The following C1QL3 variants were observed in gnomAD, a reference collection of about 807,000 sequenced individuals.
The protein encoded by C1QL3 is complement C1q like 3.
In C1QL3, 4 loss-of-function variants were observed where a neutral mutation model predicts 16.6. That is an observed-to-expected ratio of 0.24 (90% CI 0.12 to 0.55). The LOEUF is 0.55. Ranked by LOEUF, C1QL3 falls within the 20% of genes least tolerant of loss-of-function variation. The pLI is 0.94. For synonymous variants in C1QL3, 189 were observed against 160.2 expected, an observed-to-expected ratio of 1.18 and a Z score of -1.36; for missense variants, 269 against 365.6, an observed-to-expected ratio of 0.74 and a Z score of 2.16.
In C1QL3 at chr10:16,514,403, A is replaced by G; in HGVS notation, c.*125T>C. 3 of 720,488 alleles carry G rather than the reference A, an allele frequency of 4.2e-6. No individual in the cohort carries two copies. Among genetic ancestry groups the G allele is most frequent in the Non-Finnish European group, 7.1e-6 (3 of 422,450 alleles). The allele number at this position is 720,488 out of a possible 1,614,324, so 44.6% of individuals were successfully genotyped here. A position where few individuals can be genotyped will look rare whatever the true frequency, so the allele number is the denominator to read the frequency against. On this transcript the variant is annotated 3_prime_UTR_variant, in exon 2 of 2. Coordinates refer to ENST00000298943, the MANE Select transcript of C1QL3 (RefSeq NM_001010908.2). ...ACAGATGTGAGTCAGGTAGCATTTG[A>G]TTTCCCCACATATACACAACTGAGG... is the stretch of plus-strand genomic sequence containing the variant.
chr10:16,514,397 C>T lies in C1QL3; in HGVS notation c.*131G>A, dbSNP rs1836915891. On this transcript the variant is annotated 3_prime_UTR_variant, in exon 2 of 2. Transcript: ENST00000298943. ...AGTGATACAGATGTGAGTCAGGTAGCATTTGATTTCCCCACATATACACAA... is the reference window on the plus strand; with the variant it reads ...AGTGATACAGATGTGAGTCAGGTAGTATTTGATTTCCCCACATATACACAA... 11 of 683,768 alleles carry T rather than the reference C, an allele frequency of 1.6e-5. No individual in the cohort carries two copies. Among genetic ancestry groups the T allele is most frequent in the Non-Finnish European group, 2.5e-5 (10 of 392,424 alleles). The allele number at this position is 683,768 out of a possible 1,614,324, so 42.4% of individuals were successfully genotyped here. A position where few individuals can be genotyped will look rare whatever the true frequency, so the allele number is the denominator to read the frequency against.
chr10:16,520,808 G>T lies in C1QL3; in HGVS notation c.258C>A (p.Pro86=). Residue 86 remains proline, a synonymous_variant, in exon 1 of 2, where the codon CCC becomes CCA. Transcript: ENST00000298943. This position sits in a 1 kb window ranked among gnomAD's most constrained non-coding sequence, Gnocchi z 8.3. ...GPPGEPGPPG[P]MGPPGEKGEP... ...CGCCCTTCTCGCCCGGGGGCCCCATGGGGCCGGGTGGCCCGGGCTCTCCGG... is the reference window on the plus strand; with the variant it reads ...CGCCCTTCTCGCCCGGGGGCCCCATTGGGCCGGGTGGCCCGGGCTCTCCGG... The T allele has an allele frequency of 7.6e-7, 1 of 1,313,328 alleles. No individual in the cohort carries two copies. The highest frequency in any genetic ancestry group is 9.7e-7 in the Non-Finnish European group (1 of 1,031,858). The allele number at this position is 1,313,328 out of a possible 1,614,324, so 81.4% of individuals were successfully genotyped here. A position where few individuals can be genotyped will look rare whatever the true frequency, so the allele number is the denominator to read the frequency against.
intron 1 of C1QL3, among the ~76,000 whole-genome samples, chr10:16,517,116 C>A (rs1265365097): frequency 2.0e-5 from 3 of 152,168 alleles, no homozygotes; most frequent in African/African-American, 7.2e-5. Flanking sequence ...TTTCCAGATT[C>A]CTAAATGTAC....
rs984772153 is a variant in C1QL3, at chr10:16,521,327, G to T, written c.-262C>A. The T allele has an allele frequency of 2.6e-6, 1 of 389,218 alleles. No individual in the cohort carries two copies. Among genetic ancestry groups the T allele is most frequent in the Non-Finnish European group, 4.6e-6 (1 of 219,280 alleles). 24.1% of individuals were successfully genotyped at this position (389,218 alleles called of 1,614,324 possible). On this transcript the variant is annotated 5_prime_UTR_variant, in exon 1 of 2. Coordinates refer to ENST00000298943, the MANE Select transcript of C1QL3 (RefSeq NM_001010908.2). ...GCCCAGTGACTTGAGCCGAAGTCCC[G>T]AGCCCGGGGTGGGGGCCGGGGGAGG...
chr10:16,520,675 C>T lies in C1QL3; in HGVS notation c.391G>A (p.Ala131Thr). Residue 131 changes from alanine to threonine, a missense_variant, in exon 1 of 2, where the codon GCC becomes ACC. This residue lies in a region of C1QL3 where 246 missense variants were observed against 297.2 expected (regional missense o/e 0.83). Transcript: ENST00000298943. This position sits in a 1 kb window ranked among gnomAD's most constrained non-coding sequence, Gnocchi z 8.3. ...YSTVPKIAFY[A>T]GLKRQHEGYE... The stretch of plus-strand genomic sequence containing the variant: ...CCTTCATGCTGCCGCTTGAGGCCGG[C>T]GTAGAAGGCGATCTTGGGCACCGTG... 4 of 1,608,446 alleles carry T rather than the reference C, an allele frequency of 2.5e-6. No homozygotes were observed. Among genetic ancestry groups the T allele is most frequent in the Non-Finnish European group, 3.4e-6 (4 of 1,177,530 alleles).
Position 16,520,014 on chromosome 10 carries a change from C to T in C1QL3, c.588+464G>A, listed in dbSNP as rs1291494279. Among the ~76,000 whole-genome samples, 1 of 152,146 alleles carries T rather than the reference C, an allele frequency of 6.6e-6. No homozygotes were observed. The highest frequency in any genetic ancestry group is 1.5e-5 in the Non-Finnish European group (1 of 68,006). On this transcript the variant is annotated intron_variant, in intron 1 of 1. Transcript: ENST00000298943. This position sits in a 1 kb window ranked among gnomAD's most constrained non-coding sequence, Gnocchi z 8.3. ...TCATTCCTTCGGGGCCCTTGTTTCT[C>T]CCTCCGGCCTTTGTCTACCACCCCC...
At position 16,513,752 on chromosome 10, in the gene C1QL3, T is replaced by C. The variant is rs1836901215; in HGVS notation, c.*776A>G. ...CTCTGACTTTCCCAGTGAATCTAAA[T>C]GTATTCAGTTGACAAAATGGACACA... On this transcript the variant is annotated 3_prime_UTR_variant, in exon 2 of 2. Coordinates refer to ENST00000298943, the MANE Select transcript of C1QL3 (RefSeq NM_001010908.2). 6.6e-6 allele frequency: 1 copy of C among 152,588 alleles called. No individual in the cohort carries two copies. The highest frequency in any genetic ancestry group is 2.1e-4 in the South Asian group (1 of 4,836). The allele number at this position is 152,588 out of a possible 1,614,324, so 9.5% of individuals were successfully genotyped here.
In C1QL3 at chr10:16,521,042, G is replaced by A; in HGVS notation, c.24C>T (p.Leu8=). The A allele has an allele frequency of 6.2e-7, 1 of 1,600,790 alleles. No individual in the cohort carries two copies. Among genetic ancestry groups the A allele is most frequent in the Non-Finnish European group, 8.5e-7 (1 of 1,178,596 alleles). The stretch of plus-strand genomic sequence containing the variant: ...CGGCCGAGCTCACCAGCACCGGGAT[G>A]AGGATCACCAGCAGCAGCACCATCA... MVLLLVI[L]IPVLVSSAGT... The change falls in exon 1 of 2, where the codon CTC becomes CTT. Residue 8 remains leucine, a synonymous_variant. Coordinates refer to ENST00000298943, the MANE Select transcript of C1QL3 (RefSeq NM_001010908.2).
chr10:16,515,666 A>C (rs1376503729), intron 1 of C1QL3, among the ~76,000 whole-genome samples: 3 of 152,186 alleles, frequency 2.0e-5, no homozygotes, highest in African/African-American at 7.2e-5. Context: ...CATTGTGGAC[A>C]TTCTGTCAGA....
chr10:16,519,293 G>A (rs1380192644), intron 1 of C1QL3, among the ~76,000 whole-genome samples: 2 of 151,644 alleles, frequency 1.3e-5, no homozygotes, highest in Non-Finnish European at 2.9e-5. Flanking sequence ...AAGCCCAATA[G>A]ACCTCGTTAA....
chr10:16,520,386 G>C lies in C1QL3; in HGVS notation c.588+92C>G. 2.0e-6 allele frequency: 2 copies of C among 997,452 alleles called. No individual in the cohort carries two copies. Among genetic ancestry groups the C allele is most frequent in the East Asian group, 6.0e-5 (2 of 33,512 alleles). The allele number at this position is 997,452 out of a possible 1,614,324, so 61.8% of individuals were successfully genotyped here. On this transcript the variant is annotated intron_variant, in intron 1 of 1. Transcript: ENST00000298943. The surrounding 1 kb of genome is among the most constrained non-coding windows in gnomAD (Gnocchi z 8.3). ...CCCGGCCGCCGCGCCCTTCCTCCGC[G>C]GGCTCCCACCCCCATTTCCGGGGTC... is the stretch of plus-strand genomic sequence containing the variant.
At chr10:16,518,272 TGTA>T (rs923911479) in intron 1 of C1QL3, among the ~76,000 whole-genome samples, 3 of 152,216 alleles carry the variant, frequency 2.0e-5, no homozygotes, top group Non-Finnish European at 4.4e-5. Context: ...ATTCCTTAAC[TGTA>T]GTAGTGTAGT....
At chr10:16,518,765 G>A (rs1199171086) in intron 1 of C1QL3, among the ~76,000 whole-genome samples, 2 of 151,928 alleles carry the variant, frequency 1.3e-5, no homozygotes, top group Non-Finnish European at 2.9e-5. Flanking sequence ...TCTTCAGCCC[G>A]ATTGTATTTT....
In C1QL3 at chr10:16,514,359, CATA is replaced by C; in HGVS notation, c.*166_*168del. On this transcript the variant is annotated 3_prime_UTR_variant, in exon 2 of 2. Transcript: ENST00000298943. Reference sequence around the variant, plus strand: ...GCTTATCTTGCTTTGATATTTTTTACATAATGTTTCTGAGTGATACAGATGTGA... The same window carrying C: ...GCTTATCTTGCTTTGATATTTTTTACATGTTTCTGAGTGATACAGATGTGA... 1 of 597,604 alleles carries C rather than the reference CATA, an allele frequency of 1.7e-6. No homozygotes were observed. The highest frequency in any genetic ancestry group is 3.0e-6 in the Non-Finnish European group (1 of 338,810). 37.0% of individuals were successfully genotyped at this position (597,604 alleles called of 1,614,324 possible). A position where few individuals can be genotyped will look rare whatever the true frequency, so the allele number is the denominator to read the frequency against.
At position 16,514,373 on chromosome 10, in the gene C1QL3, G is replaced by A. The variant is rs1381708123; in HGVS notation, c.*155C>T. On this transcript the variant is annotated 3_prime_UTR_variant, in exon 2 of 2. Coordinates refer to ENST00000298943, the MANE Select transcript of C1QL3 (RefSeq NM_001010908.2). ...GATATTTTTTACATAATGTTTCTGA[G>A]TGATACAGATGTGAGTCAGGTAGCA... 3 of 622,108 alleles carry A rather than the reference G, an allele frequency of 4.8e-6. No individual in the cohort carries two copies. The East Asian group carries it at 8.1e-5, about 17-fold the overall frequency. 38.5% of individuals were successfully genotyped at this position (622,108 alleles called of 1,614,324 possible).
chr10:16,517,382 C>T (rs7913889), intron 1 of C1QL3, among the ~76,000 whole-genome samples: 30,704 of 152,124 alleles, frequency 0.2, 3,326 homozygotes, highest in Middle Eastern at 0.28. Flanking sequence ...GGTGCCATAA[C>T]TAATAAATTT....
rs1837030864 is a variant in C1QL3 at position 16,520,885 on chromosome 10, C to G, written c.181G>C (p.Gly61Arg). ...GGCCTGCCGGCCTCGCCTTTGGGGCCCTGGATGAAGGTGGGCAGGGACTGC... is the reference window on the plus strand; with the variant it reads ...GGCCTGCCGGCCTCGCCTTTGGGGCGCTGGATGAAGGTGGGCAGGGACTGC... Reference protein sequence around the residue: ...LMQSLPTFIQGPKGEAGRPGK... With the variant: ...LMQSLPTFIQRPKGEAGRPGK... The change falls in exon 1 of 2, where the codon GGC (glycine) becomes CGC (arginine). Residue 61 changes from glycine (G) to arginine (R), a missense_variant. By Grantham distance (125) the Gly-to-Arg change is moderately radical (BLOSUM62 -2). Coordinates refer to ENST00000298943, the MANE Select transcript of C1QL3 (RefSeq NM_001010908.2). The surrounding 1 kb of genome is among the most constrained non-coding windows in gnomAD (Gnocchi z 8.3). 4.6e-6 allele frequency: 7 copies of G among 1,515,944 alleles called. No individual in the cohort carries two copies. The East Asian group carries it at 1.9e-4, about 40-fold the overall frequency. The allele number at this position is 1,515,944 out of a possible 1,614,324, so 93.9% of individuals were successfully genotyped here.
intron 1 of C1QL3, among the ~76,000 whole-genome samples, chr10:16,519,429 C>CAGGCTGCA (rs1837004208): frequency 6.6e-6 from 1 of 151,938 alleles, no homozygotes; most frequent in African/African-American, 2.4e-5. Context: ...CTGCAGGCTG[C>CAGGCTGCA]AAGGCCTCGC....
At position 16,521,166 on chromosome 10, in the gene C1QL3, A is replaced by C; in HGVS notation, c.-101T>G. The C allele has an allele frequency of 8.5e-7, 1 of 1,169,710 alleles. No individual in the cohort carries two copies. The highest frequency in any genetic ancestry group is 1.2e-6 in the Non-Finnish European group (1 of 831,230). 72.5% of individuals were successfully genotyped at this position (1,169,710 alleles called of 1,614,324 possible). A position where few individuals can be genotyped will look rare whatever the true frequency, so the allele number is the denominator to read the frequency against. On this transcript the variant is annotated 5_prime_UTR_variant, in exon 1 of 2. Transcript: ENST00000298943. The stretch of plus-strand genomic sequence containing the variant: ...TTGTCTGCTTTTGGACAGAATTTTG[A>C]AGGTTGGGCGGGGACCTCTTCAGAG...
Sources: gnomAD v4.1 joint callset for allele counts (sites outside exome capture counted in the v4.1 genomes callset) on GRCh38, gnomAD v4.1.1 for gene constraint, gnomAD v4.1.1 regional missense constraint, Gnocchi (gnomAD v3.1) non-coding constraint, MANE v1.5 for transcripts, NCBI Gene and HGNC (gene_info 2026-07-23, HGNC 2026-07-21) for gene names.